Variants in UCP2 observed in about 807,000 individuals in gnomAD.
The protein encoded by UCP2 is dicarboxylate carrier SLC25A8.
In UCP2, 27 loss-of-function variants were observed where a neutral mutation model predicts 31.3. That is an observed-to-expected ratio of 0.86 (90% CI 0.64 to 1.19). The LOEUF (loss-of-function observed/expected upper bound fraction) is 1.19. Among genes scored for constraint, UCP2 ranks in the 50% most tolerant of loss-of-function variants. The pLI is 0.00. For missense variants in UCP2, 377 were observed against 413.5 expected, an observed-to-expected ratio of 0.91 and a Z score of 0.76; for synonymous variants, 142 against 157.4, an observed-to-expected ratio of 0.90 and a Z score of 0.73.
At position 73,978,426 on chromosome 11, in the gene UCP2, CA is replaced by C. The variant is rs1951399318; in HGVS notation, c.-49del. 3.7e-6 allele frequency: 6 copies of C among 1,613,008 alleles called. No individual in the cohort carries two copies. Among genetic ancestry groups the C allele is most frequent in the Non-Finnish European group, 5.1e-6 (6 of 1,179,676 alleles). ...CCAGGAGATGGAGAAAAACTGGAGA[CA>C]GGGGCACCTTTAATCAGCAACAAGA... is the stretch of plus-strand genomic sequence containing the variant. On this transcript the variant is annotated 5_prime_UTR_variant, in exon 3 of 8. Transcript: ENST00000663595.
chr11:73,977,267 A>T (rs1409842660), intron 4 of UCP2, among the ~76,000 whole-genome samples: 1 of 152,248 alleles, frequency 6.6e-6, no homozygotes, highest in African/African-American at 2.4e-5. Flanking sequence ...TTTCTTTCAT[A>T]AAACATTTTC....
chr11:73,974,909 G>T lies in UCP2; in HGVS notation c.*98C>A. 1 of 1,000,780 alleles carries T rather than the reference G, an allele frequency of 1.0e-6. No individual in the cohort carries two copies. The allele number at this position is 1,000,780 out of a possible 1,614,324, so 62.0% of individuals were successfully genotyped here. A position where few individuals can be genotyped will look rare whatever the true frequency, so the allele number is the denominator to read the frequency against. ...AGGAAGAGGTGGGGAAAGAGGGAAGGAGAGAAGGGAAGGAGGGAAGAGAAA... is the reference window on the plus strand; with the variant it reads ...AGGAAGAGGTGGGGAAAGAGGGAAGTAGAGAAGGGAAGGAGGGAAGAGAAA... On this transcript the variant is annotated 3_prime_UTR_variant, in exon 8 of 8. Coordinates refer to ENST00000663595, the MANE Select transcript of UCP2 (RefSeq NM_003355.3).
Position 73,975,538 on chromosome 11 carries a change from A to G in UCP2, c.768T>C (p.Cys256=). The change falls in exon 7 of 8, where the codon TGT becomes TGC. Residue 256 remains cysteine, a synonymous_variant. Coordinates refer to ENST00000663595, the MANE Select transcript of UCP2 (RefSeq NM_003355.3). ...ALGQYSSAGH[C]ALTMLQKEGP... is the part of the protein sequence containing the mutation. ...CCTCCTTCTGGAGCATGGTAAGGGCACAGTGGCCAGCGCTACTGTACTGGC... is the reference window on the plus strand; with the variant it reads ...CCTCCTTCTGGAGCATGGTAAGGGCGCAGTGGCCAGCGCTACTGTACTGGC... 6.2e-7 allele frequency: 1 copy of G among 1,613,502 alleles called. No homozygotes were observed.
intron 6 of UCP2, 65 bp downstream of exon 6, chr11:73,976,576 A>AC (rs1951348488): frequency 3.1e-6 from 4 of 1,282,298 alleles, no homozygotes; most frequent in Non-Finnish European, 4.5e-6. Flanking sequence ...TGTCAGCTAG[A>AC]CCCCCGCACC....
chr11:73,982,893 G>C (rs1591224002), upstream of UCP2: 1 of 152,388 alleles, frequency 6.6e-6, no homozygotes, highest in Admixed American at 6.5e-5. Flanking sequence ...GGCGGGGCCC[G>C]GGGTGGGGCC....
At position 73,979,419 on chromosome 11, in the gene UCP2, C is replaced by T. The variant is rs188158972; in HGVS notation, c.-99-942G>A. ...AAAATGAGCTGGGTGTGTTGGCACA[C>T]GCCTGTATTCCCAACTACTTAGGAG... On this transcript the variant is annotated intron_variant, in intron 2 of 7. Transcript: ENST00000663595. Among the ~76,000 whole-genome samples the T allele has an allele frequency of 1.8e-4, 28 of 152,332 alleles. No individual in the cohort carries two copies. In the East Asian group the frequency reaches 4.8e-3, roughly 26 times the overall value.
rs773260052 is a variant in UCP2, at chr11:73,977,885, C to A, written c.337+1G>T. On this transcript the variant is annotated splice_donor_variant, in intron 4 of 7. Coordinates refer to ENST00000663595, the MANE Select transcript of UCP2 (RefSeq NM_003355.3). LOFTEE classifies it high-confidence loss of function. ...GGCCTACACCCTTGCTCCATACTCA[C>A]GCTCAGAGCCCTTGGTGTAGAACTG... 1.2e-6 allele frequency: 2 copies of A among 1,614,206 alleles called. No homozygotes were observed. The highest frequency in any genetic ancestry group is 3.3e-5 in the Admixed American group (2 of 60,034).
Position 73,978,027 on chromosome 11 carries a change from T to C in UCP2, c.196A>G (p.Ile66Val), listed in dbSNP as rs141957726. The C allele has an allele frequency of 5.0e-5, 80 of 1,614,098 alleles. 1 individual carries two copies. The African/African-American group carries it at 8.5e-4, about 17-fold the overall frequency. The change falls in exon 4 of 8, where the codon ATT becomes GTT. Residue 66 changes from isoleucine to valine, a missense_variant. By Grantham distance (29) the Ile-to-Val change is conservative. Transcript: ENST00000663595. ...SAQYRGVMGTILTMVRTEGPR... is the reference protein window; with the variant it reads ...SAQYRGVMGTVLTMVRTEGPR... The stretch of plus-strand genomic sequence containing the variant: ...CCCTCAGTACGCACCATGGTCAGAA[T>C]GGTGCCCATCACACCGCGGTACTGG...
intron 4 of UCP2, 67 bp downstream of exon 4, chr11:73,977,819 A>G: frequency 6.2e-7 from 1 of 1,602,232 alleles, no homozygotes; most frequent in Non-Finnish European, 8.5e-7. Context: ...ATATGGCTGA[A>G]TGAACTAAGA....
chr11:73,975,686 C>A lies in UCP2; in HGVS notation c.635-15G>T. Reference sequence around the variant, plus strand: ...AGGGAGGTCATCTGCCAAGGAGGAGCAGGCAAGGCAGTCAAGATCTTCACC... The same window carrying A: ...AGGGAGGTCATCTGCCAAGGAGGAGAAGGCAAGGCAGTCAAGATCTTCACC... On this transcript the variant is annotated splice_polypyrimidine_tract_variant and intron_variant, in intron 6 of 7. Coordinates refer to ENST00000663595, the MANE Select transcript of UCP2 (RefSeq NM_003355.3). 8 of 1,614,104 alleles carry A rather than the reference C, an allele frequency of 5.0e-6. No individual in the cohort carries two copies. The highest frequency in any genetic ancestry group is 6.8e-6 in the Non-Finnish European group (8 of 1,180,002).
chr11:73,977,785 A>G, intron 4 of UCP2, 101 bp downstream of exon 4: 1 of 1,484,118 alleles, frequency 6.7e-7, no homozygotes, highest in Non-Finnish European at 9.3e-7. Context: ...TGATCTTCCT[A>G]GGGATCGTGG....
At position 73,974,837 on chromosome 11, in the gene UCP2, G is replaced by A. The variant is rs1591217870; in HGVS notation, c.*170C>T. On this transcript the variant is annotated 3_prime_UTR_variant, in exon 8 of 8. Transcript: ENST00000663595. ...AACTCCACCAGCACTGAGACAATGAGTAGATGAGAATGTAGAAAGAGGGAA... is the reference window on the plus strand; with the variant it reads ...AACTCCACCAGCACTGAGACAATGAATAGATGAGAATGTAGAAAGAGGGAA... The A allele has an allele frequency of 4.3e-6, 3 of 695,104 alleles. No homozygotes were observed. The highest frequency in any genetic ancestry group is 7.8e-6 in the Non-Finnish European group (3 of 383,512). 43.1% of individuals were successfully genotyped at this position (695,104 alleles called of 1,614,324 possible).
chr11:73,976,937 C>G lies in UCP2; in HGVS notation c.418G>C (p.Val140Leu). 6.2e-7 allele frequency: 1 copy of G among 1,612,950 alleles called. No individual in the cohort carries two copies. The highest frequency in any genetic ancestry group is 8.5e-7 in the Non-Finnish European group (1 of 1,179,052). Reference protein sequence around the residue: ...AVAVAQPTDVVKVRFQAQARA... With the variant: ...AVAVAQPTDVLKVRFQAQARA... The stretch of plus-strand genomic sequence containing the variant: ...GCCTGAGCTTGGAATCGGACCTTTA[C>G]CACATCCGTGGGCTGGGCCACAGCC... Residue 140 changes from valine to leucine, a missense_variant, in exon 5 of 8, where the codon GTA becomes CTA. Transcript: ENST00000663595.
At chr11:73,982,363 G>C (rs560241820) in intron 1 of UCP2, among the ~76,000 whole-genome samples, 65 of 152,282 alleles carry the variant, frequency 4.3e-4, no homozygotes, top group African/African-American at 1.3e-3. Flanking sequence ...GAGGCGGGCG[G>C]ATTGCTTGAG....
At chr11:73,977,849 A>G in intron 4 of UCP2, 37 bp downstream of exon 4, 1 of 1,613,298 alleles carries the variant, frequency 6.2e-7, no homozygotes, top group Non-Finnish European at 8.5e-7. Flanking sequence ...ACTGAGAAAA[A>G]AGGGCCAAGG....
rs1301987139 is a variant in UCP2 at position 73,977,992 on chromosome 11, G to T, written c.231C>A (p.Ser77Arg). Residue 77 changes from serine (S) to arginine (R), a missense_variant, in exon 4 of 8, where the codon AGC (serine) becomes AGA (arginine). Transcript: ENST00000663595. ...GGCCGGCAACCAGCCCATTGTAGAG[G>T]CTTCGGGGGCCCTCAGTACGCACCA... ...LTMVRTEGPR[S>R]LYNGLVAGLQ... is the part of the protein sequence containing the mutation. 3.1e-6 allele frequency: 5 copies of T among 1,614,120 alleles called. No individual in the cohort carries two copies. The South Asian group carries it at 3.3e-5, about 11-fold the overall frequency.
Position 73,975,128 on chromosome 11 carries a change from G to A in UCP2, c.816-7C>T, listed in dbSNP as rs1240232723. 2.5e-6 allele frequency: 4 copies of A among 1,608,222 alleles called. No individual in the cohort carries two copies. Among genetic ancestry groups the A allele is most frequent in the African/African-American group, 2.7e-5 (2 of 74,752 alleles). ...GAGAAAGGAGGGCATGAACCTAGAG[G>A]AGAAAAATCACAGGTCATGGGGGCA... On this transcript the variant is annotated splice_polypyrimidine_tract_variant and splice_region_variant and intron_variant, in intron 7 of 7. Transcript: ENST00000663595.
intron 6 of UCP2, 65 bp from the exon 7 acceptor site, chr11:73,975,736 T>C (rs1951333054): frequency 6.3e-7 from 1 of 1,580,862 alleles, no homozygotes; most frequent in Non-Finnish European, 8.7e-7. Context: ...GCAGGAGAAT[T>C]ACTTAAGTAG....
chr11:73,978,513 T>C, intron 2 of UCP2, 36 bp from the exon 3 acceptor site: 1 of 1,312,082 alleles, frequency 7.6e-7, no homozygotes, highest in Non-Finnish European at 1.1e-6. Flanking sequence ...TTAGCCACAA[T>C]GTCCCCAGGC....
Sources: allele counts gnomAD v4.1 joint callset (sites outside exome capture counted in the v4.1 genomes callset), GRCh38; gene constraint gnomAD v4.1.1; transcripts MANE v1.5; gene names NCBI Gene and HGNC (gene_info 2026-07-23, HGNC 2026-07-21).